LRRC8C: variants seen among roughly 807,000 people sequenced by gnomAD.
LRRC8C encodes volume-regulated anion channel subunit LRRC8C.
In LRRC8C, 20 loss-of-function variants were observed where a neutral mutation model predicts 55.3. That is an observed-to-expected ratio of 0.36 (90% CI 0.25 to 0.53). LRRC8C has a LOEUF of 0.53. Ranked by LOEUF, LRRC8C falls within the 20% of genes least tolerant of loss-of-function variation. The pLI is 0.92. For missense variants in LRRC8C, 659 were observed against 951.4 expected, an observed-to-expected ratio of 0.69 and a Z score of 4.04; for synonymous variants, 376 against 360.7, an observed-to-expected ratio of 1.04 and a Z score of -0.48.
intron 1 of LRRC8C, among the ~76,000 whole-genome samples, chr1:89,685,245 A>G (rs2101279548): frequency 6.7e-6 from 1 of 149,462 alleles, no homozygotes; most frequent in Admixed American, 6.7e-5. Context: ...CAGCCTCCCG[A>G]GTAGCTGGGA....
At chr1:89,673,892 G>A (rs1410020835) in intron 1 of LRRC8C, among the ~76,000 whole-genome samples, 1 of 152,184 alleles carries the variant, frequency 6.6e-6, no homozygotes, top group African/African-American at 2.4e-5. Flanking sequence ...CAGAGAGATT[G>A]GGGACAGCTT....
chr1:89,698,241 G>T (rs1244991216), intron 2 of LRRC8C, among the ~76,000 whole-genome samples: 2 of 152,124 alleles, frequency 1.3e-5, no homozygotes, highest in Non-Finnish European at 2.9e-5. Context: ...GTAGCTAGAG[G>T]TCAAATATTT....
intron 1 of LRRC8C, among the ~76,000 whole-genome samples, chr1:89,638,859 G>A (rs1040442311): frequency 6.6e-6 from 1 of 151,948 alleles, no homozygotes; most frequent in African/African-American, 2.4e-5. Context: ...TGTTATGCTG[G>A]AATGCTGTGG....
chr1:89,691,061 A>T (rs183557719), intron 2 of LRRC8C, among the ~76,000 whole-genome samples: 1 of 152,348 alleles, frequency 6.6e-6, no homozygotes, highest in East Asian at 1.9e-4. Flanking sequence ...TACTCAATTC[A>T]ACAAACAATC....
intron 1 of LRRC8C, among the ~76,000 whole-genome samples, chr1:89,656,469 A>G (rs1455053991): frequency 6.6e-6 from 1 of 152,220 alleles, no homozygotes; most frequent in Non-Finnish European, 1.5e-5. Context: ...GGTACTGAGT[A>G]AGCTCAAAGA....
chr1:89,676,280 C>T (rs1657545576), intron 1 of LRRC8C: 1 of 152,126 alleles, frequency 6.6e-6, no homozygotes, highest in South Asian at 2.1e-4. Context: ...TTCTTGGGTA[C>T]AAGCTAAGAC....
chr1:89,711,487 C>G (rs914337426), intron 2 of LRRC8C, among the ~76,000 whole-genome samples: 1 of 152,162 alleles, frequency 6.6e-6, no homozygotes. Flanking sequence ...ATAGACTTTC[C>G]CTGCGTTATT....
chr1:89,626,571 C>T, the LRRC8C span: 1 of 152,160 alleles, frequency 6.6e-6, no homozygotes, highest in Non-Finnish European at 1.5e-5. Context: ...TAATCATTTA[C>T]TAGAATGGCC....
chr1:89,688,807 T>C (rs190804572), intron 2 of LRRC8C, among the ~76,000 whole-genome samples: 2 of 152,362 alleles, frequency 1.3e-5, no homozygotes, highest in East Asian at 3.9e-4. Context: ...GTTTCTGGGC[T>C]GGAAGAGTGA....
At chr1:89,618,155 C>T in the LRRC8C span, among the ~76,000 whole-genome samples, 26 of 152,282 alleles carry the variant, frequency 1.7e-4, no homozygotes, top group East Asian at 7.7e-4. Context: ...AGTTTGAGCA[C>T]GCTAATCCCA....
intron 2 of LRRC8C, among the ~76,000 whole-genome samples, chr1:89,702,509 C>T (rs572767486): frequency 5.9e-5 from 9 of 151,972 alleles, no homozygotes; most frequent in South Asian, 2.1e-4. Context: ...CCGAGGCAGG[C>T]GGATCACTTG....
chr1:89,710,044 C>T (rs941096433), intron 2 of LRRC8C, among the ~76,000 whole-genome samples: 6 of 152,194 alleles, frequency 3.9e-5, no homozygotes, highest in African/African-American at 1.4e-4. Flanking sequence ...AGTCACGGCA[C>T]CCAGCCTGTA....
upstream of LRRC8C, chr1:89,632,288 T>C (rs1258774808): frequency 1.3e-5 from 2 of 152,146 alleles, no homozygotes; most frequent in African/African-American, 4.8e-5. Flanking sequence ...CCCTCCATAC[T>C]CGTTAAACAA....
intron 1 of LRRC8C, among the ~76,000 whole-genome samples, chr1:89,677,773 G>T (rs1301838195): frequency 6.6e-6 from 1 of 152,042 alleles, no homozygotes; most frequent in Admixed American, 6.6e-5. Flanking sequence ...CATTTCTACA[G>T]AACCATATAA....
At chr1:89,665,630 TAAAG>T (rs948454846) in intron 1 of LRRC8C, among the ~76,000 whole-genome samples, 1 of 152,234 alleles carries the variant, frequency 6.6e-6, no homozygotes, top group African/African-American at 2.4e-5. Context: ...CAAAAAGTTA[TAAAG>T]AATGTTTAAA....
chr1:89,680,652 C>T (rs942330099), intron 1 of LRRC8C, among the ~76,000 whole-genome samples: 1 of 150,742 alleles, frequency 6.6e-6, no homozygotes, highest in Non-Finnish European at 1.5e-5. Flanking sequence ...CCTCTGACTC[C>T]CGGGTTCAAG....
intron 2 of LRRC8C, among the ~76,000 whole-genome samples, chr1:89,697,024 CT>C (rs1658192295): frequency 6.6e-6 from 1 of 152,140 alleles, no homozygotes; most frequent in Non-Finnish European, 1.5e-5. Flanking sequence ...AAAAAAATCA[CT>C]TGCCATCCAG....
intron 2 of LRRC8C, among the ~76,000 whole-genome samples, chr1:89,686,880 G>A (rs1657899026): frequency 6.6e-6 from 1 of 152,136 alleles, no homozygotes; most frequent in Non-Finnish European, 1.5e-5. Flanking sequence ...ATCAAAGGGG[G>A]CCCCTTATCT....
chr1:89,619,680 A>T, the LRRC8C span, among the ~76,000 whole-genome samples: 1 of 151,982 alleles, frequency 6.6e-6, no homozygotes. Context: ...TCAAATCAAC[A>T]AATTTTAACC....
Sources: allele counts gnomAD v4.1 joint callset (sites outside exome capture counted in the v4.1 genomes callset), GRCh38; gene constraint gnomAD v4.1.1; transcripts MANE v1.5; gene names NCBI Gene and HGNC (gene_info 2026-07-23, HGNC 2026-07-21).